Variants in SCLT1 observed in about 807,000 individuals in gnomAD.
The protein encoded by SCLT1 is sodium channel-associated protein 1.
SCLT1 carries 78 observed loss-of-function variants against 112.8 expected under a neutral mutation model. The ratio of observed to expected loss-of-function variants is 0.69; its 90% CI spans 0.58 to 0.83. The LOEUF (loss-of-function observed/expected upper bound fraction) is 0.83, where lower values mean the gene tolerates loss of function less well. SCLT1 is among the 40% of genes least tolerant of loss of function. The pLI is 0.00. For missense variants in SCLT1, 747 were observed against 770.4 expected, an observed-to-expected ratio of 0.97 and a Z score of 0.36; for synonymous variants, 257 against 254.7, an observed-to-expected ratio of 1.01 and a Z score of -0.09.
intron 5 of SCLT1, among the ~76,000 whole-genome samples, chr4:129,027,423 A>T (rs1746215373): frequency 6.6e-6 from 1 of 151,696 alleles, no homozygotes; most frequent in South Asian, 2.1e-4. Flanking sequence ...CAAAGACAAA[A>T]ACCACATGAT....
At position 128,956,305 on chromosome 4, in the gene SCLT1, T is replaced by C. The variant is rs576089557; in HGVS notation, c.1146+721A>G. ...TATTTTTATCATTAAAAGTATAAAG[T>C]TTATTAATATTTATTTTAAAAATAT... is the stretch of plus-strand genomic sequence containing the variant. On this transcript the variant is annotated intron_variant, in intron 13 of 20. Coordinates refer to ENST00000281142, the MANE Select transcript of SCLT1 (RefSeq NM_144643.4). Among the ~76,000 whole-genome samples, 3 of 152,094 alleles carry C rather than the reference T, an allele frequency of 2.0e-5. No homozygotes were observed. In the East Asian group the frequency reaches 5.8e-4, roughly 29 times the overall value.
intron 18 of SCLT1, among the ~76,000 whole-genome samples, chr4:128,898,032 A>C (rs1733933031): frequency 6.6e-6 from 1 of 152,244 alleles, no homozygotes; most frequent in Admixed American, 6.5e-5. Context: ...GCAAGTCCTT[A>C]GAGACCTACA....
rs776979367 is a variant in SCLT1 at position 128,891,044 on chromosome 4, G to A, written c.1908+15C>T. ...CTGCAGCAGAAAGCACTTCCCAGGG[G>A]AGTCATTATCTCACCTCAGCTACCT... On this transcript the variant is annotated intron_variant, in intron 19 of 20. Coordinates refer to ENST00000281142, the MANE Select transcript of SCLT1 (RefSeq NM_144643.4). 6.3e-7 allele frequency: 1 copy of A among 1,586,890 alleles called. No individual in the cohort carries two copies. The highest frequency in any genetic ancestry group is 1.7e-5 in the Admixed American group (1 of 59,804).
intron 18 of SCLT1, among the ~76,000 whole-genome samples, chr4:128,930,411 C>G (rs1478156911): frequency 2.0e-5 from 3 of 152,180 alleles, no homozygotes; most frequent in African/African-American, 7.2e-5. Flanking sequence ...GTGTCAGATT[C>G]ACCCAGATAA....
intron 5 of SCLT1, among the ~76,000 whole-genome samples, chr4:129,024,183 A>G (rs1237504488): frequency 6.6e-6 from 1 of 152,194 alleles, no homozygotes; most frequent in South Asian, 2.1e-4. Flanking sequence ...CTTTGAAGAG[A>G]GCAGTGGTTT....
intron 18 of SCLT1, among the ~76,000 whole-genome samples, chr4:128,923,770 T>C (rs780123735): frequency 6.6e-6 from 1 of 152,098 alleles, no homozygotes; most frequent in African/African-American, 2.4e-5. Context: ...TCAGCCATTA[T>C]AAATATCTAC....
In SCLT1 at chr4:128,959,811, C is replaced by T. The variant is rs745446132; in HGVS notation, c.870-34G>A. 4.5e-6 allele frequency: 7 copies of T among 1,570,330 alleles called. No individual in the cohort carries two copies. The Admixed American group carries it at 1.2e-4, about 27-fold the overall frequency. ...CAATAATTACACTGGGAAAGTTAAA[C>T]TTTTTTAAAGGGAAGGAGGGAGATT... On this transcript the variant is annotated intron_variant, in intron 11 of 20. Coordinates refer to ENST00000281142, the MANE Select transcript of SCLT1 (RefSeq NM_144643.4).
At chr4:129,049,485 G>T (rs1284043857) in intron 2 of SCLT1, among the ~76,000 whole-genome samples, 1 of 113,260 alleles carries the variant, frequency 8.8e-6, no homozygotes, top group Middle Eastern at 5.4e-3. Context: ...GTTGTGGGGT[G>T]GGGGGAGGGG....
At chr4:128,929,260 G>GT (rs1736560946) in intron 18 of SCLT1, among the ~76,000 whole-genome samples, 1 of 152,158 alleles carries the variant, frequency 6.6e-6, no homozygotes, top group East Asian at 1.9e-4. Context: ...TGACAAAGGT[G>GT]TAAGATTTCT....
chr4:129,054,613 T>G (rs1335286809), intron 2 of SCLT1, among the ~76,000 whole-genome samples: 1 of 152,094 alleles, frequency 6.6e-6, no homozygotes, highest in Non-Finnish European at 1.5e-5. Context: ...GTCATTTACG[T>G]TCTTCTCTAA....
chr4:129,043,445 C>A lies in SCLT1; in HGVS notation c.184G>T (p.Glu62Ter). 1 of 1,540,424 alleles carries A rather than the reference C, an allele frequency of 6.5e-7. No homozygotes were observed. The highest frequency in any genetic ancestry group is 1.2e-5 in the South Asian group (1 of 85,662). ...AGTTCTCCTAGGTGTTTATCATACT[C>A]AGTAACAAGAGGAGCTAAAAAGCTA... ...DQSFLAPLVTEYDKHLGELNG... is the reference protein window; with the variant it reads ...DQSFLAPLVT Residue 62 changes from glutamate to a stop codon, truncating the protein, a stop_gained, in exon 4 of 21, where the codon GAG becomes TAG. Transcript: ENST00000281142. LOFTEE classifies it high-confidence loss of function.
intron 17 of SCLT1, among the ~76,000 whole-genome samples, chr4:128,940,578 A>C (rs935375042): frequency 6.6e-6 from 1 of 152,036 alleles, no homozygotes; most frequent in African/African-American, 2.4e-5. Context: ...ATGACAATAC[A>C]GTATCTTATT....
Position 128,884,437 on chromosome 4 carries a change from T to C in SCLT1, c.*40A>G. 2 of 1,249,494 alleles carry C rather than the reference T, an allele frequency of 1.6e-6. No individual in the cohort carries two copies. Among genetic ancestry groups the C allele is most frequent in the South Asian group, 1.2e-5 (1 of 83,238 alleles). 77.4% of individuals were successfully genotyped at this position (1,249,494 alleles called of 1,614,324 possible). A position where few individuals can be genotyped will look rare whatever the true frequency, so the allele number is the denominator to read the frequency against. On this transcript the variant is annotated 3_prime_UTR_variant, in exon 21 of 21. Transcript: ENST00000281142. ...TCAATACACTTCTAGTCCAACTGCT[T>C]TCCCAACTCTAAAGTTCTGTGAGTG...
In SCLT1 at chr4:128,924,242, G is replaced by A. The variant is rs189162750; in HGVS notation, c.1829+12413C>T. On this transcript the variant is annotated intron_variant, in intron 18 of 20. Transcript: ENST00000281142. ...TTTTCTTAATGGTGGCTTTTGAAAAGCAGACATTTTAAAAATTTTATTTAT... is the reference window on the plus strand; with the variant it reads ...TTTTCTTAATGGTGGCTTTTGAAAAACAGACATTTTAAAAATTTTATTTAT... Among the ~76,000 whole-genome samples, 147 of 151,486 alleles carry A rather than the reference G, an allele frequency of 9.7e-4. No homozygotes were observed. The East Asian group carries it at 0.027, about 28-fold the overall frequency.
In SCLT1 at chr4:128,891,067, C is replaced by T. The variant is rs1390994889; in HGVS notation, c.1900G>A (p.Val634Ile). 6.2e-7 allele frequency: 1 copy of T among 1,611,664 alleles called. No individual in the cohort carries two copies. The highest frequency in any genetic ancestry group is 8.5e-7 in the Non-Finnish European group (1 of 1,178,092). The change falls in exon 19 of 21, where the codon GTA (valine) becomes ATA (isoleucine). Residue 634 changes from valine (V) to isoleucine (I), a missense_variant. Coordinates refer to ENST00000281142, the MANE Select transcript of SCLT1 (RefSeq NM_144643.4). ...LSQLEMANEK[V>I]AENEKLILEH... Reference sequence around the variant, plus strand: ...GGGAGTCATTATCTCACCTCAGCTACCTTTTCATTTGCCATTTCCAGCTGA... The same window carrying T: ...GGGAGTCATTATCTCACCTCAGCTATCTTTTCATTTGCCATTTCCAGCTGA...
intron 2 of SCLT1, among the ~76,000 whole-genome samples, chr4:129,062,357 G>C (rs1263986705): frequency 6.6e-6 from 1 of 152,028 alleles, no homozygotes; most frequent in Non-Finnish European, 1.5e-5. Flanking sequence ...ACAATTGCTA[G>C]AGTCTTCTAC....
intron 2 of SCLT1, among the ~76,000 whole-genome samples, chr4:129,074,863 G>A (rs1205789128): frequency 2.0e-5 from 3 of 151,982 alleles, no homozygotes; most frequent in Non-Finnish European, 2.9e-5. Flanking sequence ...CATCATGCCC[G>A]GCTAATTTTT....
intron 5 of SCLT1, among the ~76,000 whole-genome samples, chr4:129,026,338 A>G (rs1355637909): frequency 1.3e-5 from 2 of 152,176 alleles, no homozygotes; most frequent in Non-Finnish European, 2.9e-5. Flanking sequence ...AACGGAAATT[A>G]TAACAAACTG....
chr4:128,929,419 C>G (rs1162866098), intron 18 of SCLT1, among the ~76,000 whole-genome samples: 1 of 152,094 alleles, frequency 6.6e-6, no homozygotes, highest in African/African-American at 2.4e-5. Flanking sequence ...AGAATTCAAA[C>G]TAAAATTCCA....
Sources: allele counts gnomAD v4.1 joint callset (sites outside exome capture counted in the v4.1 genomes callset), GRCh38; gene constraint gnomAD v4.1.1; transcripts MANE v1.5; gene names NCBI Gene and HGNC (gene_info 2026-07-23, HGNC 2026-07-21).